RP1: variants seen among roughly 807,000 people sequenced by gnomAD.
RP1 encodes the protein RP1 axonemal microtubule associated, also known as oxygen-regulated protein 1.
Under a neutral mutation model 14.8 loss-of-function variants are expected in RP1, and 16 were observed. The observed-to-expected ratio is 1.08, with a 90% CI of 0.73 to 1.65. The LOEUF is 1.65. RP1 is among the 40% of genes most tolerant of loss of function. The pLI is 0.00. For synonymous variants in RP1, 876 were observed against 883.6 expected (o/e 0.99, Z 0.15); for missense variants, 2,631 against 2,535.0 (o/e 1.04, Z -0.81).
At chr8:54,643,547 T>C (rs545486441) in intron 3 of RP1, among the ~76,000 whole-genome samples, 2 of 152,358 alleles carry the variant, frequency 1.3e-5, no homozygotes, top group African/African-American at 4.8e-5. Flanking sequence ...TTTTAATTGC[T>C]GAGTTGTATT....
At chr8:54,706,832 G>A (rs1277718762) in intron 15 of RP1, among the ~76,000 whole-genome samples, 4 of 152,148 alleles carry the variant, frequency 2.6e-5, no homozygotes, top group Non-Finnish European at 5.9e-5. Context: ...GATAAGAGAG[G>A]AATCCTGACC....
At chr8:54,675,619 T>C (rs1031369749) in intron 8 of RP1, among the ~76,000 whole-genome samples, 8 of 152,130 alleles carry the variant, frequency 5.3e-5, no homozygotes, top group Admixed American at 2.6e-4. Flanking sequence ...GACTACAATT[T>C]AGTAAAACAA....
At chr8:54,623,589 C>A (rs1161785090) in intron 3 of RP1, among the ~76,000 whole-genome samples, 1 of 151,930 alleles carries the variant, frequency 6.6e-6, no homozygotes, top group Non-Finnish European at 1.5e-5. Flanking sequence ...TGAGCCATTG[C>A]GTCCAGCCCA....
At chr8:54,679,335 T>C (rs1337186646) in intron 9 of RP1, 3 of 1,204,732 alleles carry the variant, frequency 2.5e-6, no homozygotes, top group Non-Finnish European at 3.5e-6. Context: ...CCTGCTATCT[T>C]GTATTTCTGA....
At chr8:54,791,144 C>T (rs1057396873) in intron 24 of RP1, among the ~76,000 whole-genome samples, 9 of 152,230 alleles carry the variant, frequency 5.9e-5, no homozygotes, top group Admixed American at 5.9e-4. Flanking sequence ...CTCCACAAGA[C>T]TGTCAGTGGA....
intron 15 of RP1, among the ~76,000 whole-genome samples, chr8:54,718,407 A>G (rs1808454208): frequency 6.6e-6 from 1 of 152,196 alleles, no homozygotes; most frequent in Non-Finnish European, 1.5e-5. Flanking sequence ...CTAGAAATAG[A>G]CCCACACAAA....
chr8:54,639,617 T>A (rs1265376545), intron 3 of RP1, among the ~76,000 whole-genome samples: 1 of 152,194 alleles, frequency 6.6e-6, no homozygotes. Flanking sequence ...GTGTGTTTAC[T>A]TTCTGCATTT....
At chr8:54,680,496 T>C (rs1405304200) in intron 12 of RP1, among the ~76,000 whole-genome samples, 7 of 152,146 alleles carry the variant, frequency 4.6e-5, no homozygotes, top group Non-Finnish European at 1.0e-4. Context: ...ATTTAAACAA[T>C]ATTTGCCTGC....
rs890856507 is a variant in RP1, at chr8:54,722,497, C to T, written c.2389+2191C>T. Among the ~76,000 whole-genome samples the T allele has an allele frequency of 5.9e-5, 9 of 152,174 alleles. No individual in the cohort carries two copies. In the East Asian group the frequency reaches 1.7e-3, roughly 30 times the overall value. Reference sequence around the variant, plus strand: ...GTGTTAGCCAGGATGGTCTCAATCTCCTGACCTCGTGATCCGCCCGCCTCG... The same window carrying T: ...GTGTTAGCCAGGATGGTCTCAATCTTCTGACCTCGTGATCCGCCCGCCTCG... On this transcript the variant is annotated intron_variant, in intron 16 of 22. Coordinates refer to the RP1 transcript ENST00000636932.
chr8:54,862,492 T>C (rs972839346), intron 27 of RP1, among the ~76,000 whole-genome samples: 9 of 152,178 alleles, frequency 5.9e-5, no homozygotes, highest in African/African-American at 2.2e-4. Flanking sequence ...TTCTTGTCCA[T>C]AATATTTAGG....
At chr8:54,822,802 GA>G in intron 24 of RP1, among the ~76,000 whole-genome samples, 1 of 152,310 alleles carries the variant, frequency 6.6e-6, no homozygotes, top group East Asian at 1.9e-4. Context: ...CCAAAATGGT[GA>G]ATTAGCCAAA....
intron 11 of RP1, chr8:54,679,735 A>G: frequency 6.6e-7 from 1 of 1,523,540 alleles, no homozygotes; most frequent in Non-Finnish European, 8.8e-7. Context: ...GCTGTTTCTT[A>G]GCAATTTCTT....
intron 24 of RP1, among the ~76,000 whole-genome samples, chr8:54,808,528 T>C (rs888213508): frequency 1.3e-5 from 2 of 152,232 alleles, no homozygotes; most frequent in South Asian, 2.1e-4. Flanking sequence ...CCTGATCTTC[T>C]TAAGAACTCT....
chr8:54,732,231 T>C (rs1490463893), intron 17 of RP1, among the ~76,000 whole-genome samples: 3 of 152,196 alleles, frequency 2.0e-5, no homozygotes, highest in African/African-American at 7.2e-5. Context: ...TATTCCTACA[T>C]CCAGCACTAA....
intron 5 of RP1, among the ~76,000 whole-genome samples, chr8:54,653,072 A>C (rs933091534): frequency 2.0e-5 from 3 of 151,928 alleles, no homozygotes; most frequent in African/African-American, 7.3e-5. Flanking sequence ...CAATTCTTTC[A>C]CCTCTTTGCA....
At chr8:54,745,340 A>G (rs1002255851) in intron 19 of RP1, among the ~76,000 whole-genome samples, 1 of 152,206 alleles carries the variant, frequency 6.6e-6, no homozygotes, top group African/African-American at 2.4e-5. Context: ...TAGATGTTAT[A>G]TTCTCATTAC....
Position 54,706,596 on chromosome 8 carries a change from G to T in RP1, c.2152G>T (p.Glu718Ter). 1.3e-6 allele frequency: 2 copies of T among 1,536,120 alleles called. No individual in the cohort carries two copies. Among genetic ancestry groups the T allele is most frequent in the Non-Finnish European group, 1.7e-6 (2 of 1,146,872 alleles). Residue 718 changes from glutamate to a stop codon, truncating the protein, a stop_gained, in exon 15 of 23, where the codon GAA (glutamate) becomes TAA (stop). Transcript: ENST00000636932. LOFTEE classifies it high-confidence loss of function. ...AATCAGCTCTGGGATTTGCATGTTTGAAAGTGTGAAAAATGCACAAATGTA... is the reference window on the plus strand; with the variant it reads ...AATCAGCTCTGGGATTTGCATGTTTTAAAGTGTGAAAAATGCACAAATGTA...
chr8:54,809,771 A>C (rs2129392585), intron 24 of RP1, among the ~76,000 whole-genome samples: 1 of 152,364 alleles, frequency 6.6e-6, no homozygotes, highest in Middle Eastern at 3.4e-3. Context: ...CTGAAAAGTA[A>C]GTGGTGACTT....
chr8:54,567,344 A>T (rs756441049), intron 1 of RP1, among the ~76,000 whole-genome samples: 3 of 152,156 alleles, frequency 2.0e-5, no homozygotes, highest in Non-Finnish European at 4.4e-5. Flanking sequence ...CATCTTTTTT[A>T]CAGTCTCAGA....
Sources: allele counts gnomAD v4.1 joint callset (sites outside exome capture counted in the v4.1 genomes callset), GRCh38; gene constraint gnomAD v4.1.1; transcripts MANE v1.5; gene names NCBI Gene and HGNC (gene_info 2026-07-23, HGNC 2026-07-21).